SMAD2: variants seen among roughly 807,000 people sequenced by gnomAD.
The protein encoded by SMAD2 is MAD homolog 2.
A neutral mutation model predicts 64.4 loss-of-function variants in SMAD2; 8 were observed. That is an observed-to-expected ratio of 0.12 (90% CI 0.07 to 0.22). The LOEUF (loss-of-function observed/expected upper bound fraction) is 0.22, where lower values mean the gene tolerates loss of function less well. Among genes scored for constraint, SMAD2 ranks in the 10% least tolerant of loss-of-function variants. SMAD2 has a pLI of 1.00. For synonymous variants in SMAD2, 203 were observed against 195.8 expected, an observed-to-expected ratio of 1.04 and a Z score of -0.31; for missense variants, 289 against 561.2, an observed-to-expected ratio of 0.51 and a Z score of 4.90.
chr18:47,843,111 G>A (rs1193773834), intron 10 of SMAD2, among the ~76,000 whole-genome samples: 1 of 152,190 alleles, frequency 6.6e-6, no homozygotes, highest in Non-Finnish European at 1.5e-5. Context: ...GTGTGCTCTA[G>A]ACAACTTCCA....
chr18:47,867,944 T>C (rs539736715), intron 5 of SMAD2, among the ~76,000 whole-genome samples: 10 of 152,336 alleles, frequency 6.6e-5, no homozygotes, highest in Admixed American at 1.3e-4. Context: ...AAAGTGATCA[T>C]TGGGTGGATA....
intron 8 of SMAD2, 127 bp from the exon 9 acceptor site, chr18:47,845,927 T>A: frequency 1.2e-6 from 1 of 813,116 alleles, no homozygotes; most frequent in Non-Finnish European, 2.1e-6. Context: ...ACAGATAATG[T>A]CTTTCTGAAG....
chr18:47,879,779 A>AT (rs1488919803), intron 2 of SMAD2, among the ~76,000 whole-genome samples: 3 of 152,118 alleles, frequency 2.0e-5, no homozygotes, highest in African/African-American at 7.2e-5. Flanking sequence ...CCAGAGTACG[A>AT]TTTTACAGTC....
In SMAD2 at chr18:47,823,247, C is replaced by G. The variant is rs1912634278; in HGVS notation, c.*18580G>C. 1 of 152,104 alleles carries G rather than the reference C, an allele frequency of 6.6e-6. No individual in the cohort carries two copies. The highest frequency in any genetic ancestry group is 2.4e-5 in the African/African-American group (1 of 41,420). 9.4% of individuals were successfully genotyped at this position (152,104 alleles called of 1,614,324 possible). A position where few individuals can be genotyped will look rare whatever the true frequency, so the allele number is the denominator to read the frequency against. ...AGTCTACCTTGACTTAGCTTCTTAGCCTCAAGGAGGTTTTTAAATCTGAGA... is the reference window on the plus strand; with the variant it reads ...AGTCTACCTTGACTTAGCTTCTTAGGCTCAAGGAGGTTTTTAAATCTGAGA... On this transcript the variant is annotated 3_prime_UTR_variant, in exon 11 of 11. Transcript: ENST00000262160.
intron 1 of SMAD2, among the ~76,000 whole-genome samples, chr18:47,926,183 C>G (rs1202957072): frequency 6.6e-6 from 1 of 152,180 alleles, no homozygotes; most frequent in Non-Finnish European, 1.5e-5. Flanking sequence ...TTGGTCATAA[C>G]AGCTACTGTG....
intron 1 of SMAD2, among the ~76,000 whole-genome samples, chr18:47,901,326 A>C (rs1295904349): frequency 6.6e-6 from 1 of 152,006 alleles, no homozygotes; most frequent in Admixed American, 6.6e-5. Flanking sequence ...AGCCACACTT[A>C]TTTCCTTCAG....
chr18:47,883,423 G>A (rs1047055496), intron 2 of SMAD2, among the ~76,000 whole-genome samples: 3 of 152,226 alleles, frequency 2.0e-5, no homozygotes, highest in Admixed American at 2.0e-4. Flanking sequence ...TCCTGGTGAA[G>A]TTACCATGAA....
intron 7 of SMAD2, among the ~76,000 whole-genome samples, chr18:47,850,307 G>T (rs1322201377): frequency 1.9e-4 from 4 of 21,002 alleles, no homozygotes; most frequent in Admixed American, 1.1e-3. Context: ...TATATATTAT[G>T]TATGTTATAT....
At position 47,898,547 on chromosome 18, in the gene SMAD2, T is replaced by G. The variant is rs555031821; in HGVS notation, c.-53-1738A>C. Reference sequence around the variant, plus strand: ...CAAATTTATTTCCCATCAAAGAACATGGCTAATTTTCATAGATTATATGCT... The same window carrying G: ...CAAATTTATTTCCCATCAAAGAACAGGGCTAATTTTCATAGATTATATGCT... On this transcript the variant is annotated intron_variant, in intron 1 of 10. Transcript: ENST00000262160. 2.6e-5 allele frequency among the ~76,000 whole-genome samples: 4 copies of G among 152,332 alleles called. No individual in the cohort carries two copies. In the East Asian group the frequency reaches 7.7e-4, roughly 29 times the overall value.
chr18:47,910,300 T>A (rs1463209516), intron 1 of SMAD2, among the ~76,000 whole-genome samples: 2 of 152,042 alleles, frequency 1.3e-5, no homozygotes, highest in African/African-American at 4.8e-5. Context: ...TCAGTGCTTC[T>A]AAACTAGCTC....
intron 10 of SMAD2, 134 bp from the exon 11 acceptor site, chr18:47,842,084 T>C: frequency 1.1e-6 from 1 of 919,802 alleles, no homozygotes; most frequent in Non-Finnish European, 1.7e-6. Context: ...ACACGATTAT[T>C]CCGCAAAATG....
At position 47,829,327 on chromosome 18, in the gene SMAD2, T is replaced by C. The variant is rs1474676172; in HGVS notation, c.*12500A>G. 6.6e-6 allele frequency: 1 copy of C among 152,174 alleles called. No homozygotes were observed. The highest frequency in any genetic ancestry group is 1.5e-5 in the Non-Finnish European group (1 of 68,036). 9.4% of individuals were successfully genotyped at this position (152,174 alleles called of 1,614,324 possible). A position where few individuals can be genotyped will look rare whatever the true frequency, so the allele number is the denominator to read the frequency against. ...GTCACATACTATTTTGAAGCAAGTC[T>C]TACCCATTGTATTTTACCCATAAAT... On this transcript the variant is annotated 3_prime_UTR_variant, in exon 11 of 11. Transcript: ENST00000262160.
chr18:47,920,048 A>G (rs561143736), intron 1 of SMAD2: 1 of 152,244 alleles, frequency 6.6e-6, no homozygotes, highest in Non-Finnish European at 1.5e-5. Context: ...GGTGGCTTAT[A>G]AACAACAGAA....
chr18:47,870,174 CCAA>C (rs2031847279), intron 3 of SMAD2, among the ~76,000 whole-genome samples: 1 of 151,698 alleles, frequency 6.6e-6, no homozygotes, highest in African/African-American at 2.4e-5. Flanking sequence ...AAAAATTAGG[CCAA>C]CAACAGATTA....
chr18:47,877,555 A>G (rs2032336194), intron 2 of SMAD2, among the ~76,000 whole-genome samples: 1 of 152,190 alleles, frequency 6.6e-6, no homozygotes, highest in African/African-American at 2.4e-5. Context: ...GACACAAAAT[A>G]GATTGTAGTA....
chr18:47,917,084 G>T (rs1439997345), intron 1 of SMAD2, among the ~76,000 whole-genome samples: 1 of 152,172 alleles, frequency 6.6e-6, no homozygotes, highest in African/African-American at 2.4e-5. Flanking sequence ...GCAGTGGTAT[G>T]ATCTCGGCTC....
rs1431761357 is a variant in SMAD2 at position 47,868,435 on chromosome 18, G to A, written c.543C>T (p.Pro181=). The change falls in exon 5 of 11, where the codon CCC becomes CCT. Residue 181 remains proline, a synonymous_variant. Transcript: ENST00000262160. ...GTTCTGTTAGGATCTCGGTGTGTCG[G>A]GGCACTAATACTGGAGGCAAAACTG... ...ETPVLPPVLV[P]RHTEILTELP... 1 of 1,606,992 alleles carries A rather than the reference G, an allele frequency of 6.2e-7. No individual in the cohort carries two copies. Among genetic ancestry groups the A allele is most frequent in the Non-Finnish European group, 8.5e-7 (1 of 1,177,142 alleles).
chr18:47,837,967 T>TAA lies in SMAD2; in HGVS notation c.*3858_*3859dup, dbSNP rs1400647065. ...GCCACCCTCAGACGAAGAGGGTATC[T>TAA]AACACTGAATAAATGCTGAACCTAT... is the stretch of plus-strand genomic sequence containing the variant. On this transcript the variant is annotated 3_prime_UTR_variant, in exon 11 of 11. Transcript: ENST00000262160. The TAA allele has an allele frequency of 4.3e-6, 1 of 232,602 alleles. No individual in the cohort carries two copies. The highest frequency in any genetic ancestry group is 8.5e-6 in the Non-Finnish European group (1 of 117,432). 14.4% of individuals were successfully genotyped at this position (232,602 alleles called of 1,614,324 possible).
At chr18:47,924,380 G>C (rs985588990) in intron 1 of SMAD2, among the ~76,000 whole-genome samples, 1 of 152,096 alleles carries the variant, frequency 6.6e-6, no homozygotes, top group South Asian at 2.1e-4. Context: ...GAAGGCTCAC[G>C]GGCCCAGCTT....
Sources: gnomAD v4.1 joint callset for allele counts (sites outside exome capture counted in the v4.1 genomes callset) on GRCh38, gnomAD v4.1.1 for gene constraint, MANE v1.5 for transcripts, NCBI Gene and HGNC (gene_info 2026-07-23, HGNC 2026-07-21) for gene names.